Variants in TANC2 observed in about 807,000 individuals in gnomAD.
TANC2 encodes the protein protein TANC2.
In TANC2, 26 loss-of-function variants were observed where a neutral mutation model predicts 210.5. The ratio of observed to expected loss-of-function variants is 0.12; its 90% CI spans 0.09 to 0.17. The LOEUF is 0.17. TANC2 is among the 10% of genes least tolerant of loss of function. TANC2 has a pLI of 1.00. For missense variants in TANC2, 2,129 were observed against 2,608.9 expected, an observed-to-expected ratio of 0.82 and a Z score of 4.01; for synonymous variants, 931 against 967.1, an observed-to-expected ratio of 0.96 and a Z score of 0.69.
intron 1 of TANC2, among the ~76,000 whole-genome samples, chr17:63,004,046 C>T (rs2033503688): frequency 6.6e-6 from 1 of 152,090 alleles, no homozygotes; most frequent in Admixed American, 6.5e-5. Flanking sequence ...ATCAGAAAGC[C>T]ACTATAAAAC....
chr17:63,267,649 G>A, intron 8 of TANC2, 99 bp from the exon 9 acceptor site: 1 of 1,200,710 alleles, frequency 8.3e-7, no homozygotes, highest in Non-Finnish European at 1.1e-6. Context: ...ATATTTTTTG[G>A]CTGGAGTAAG....
chr17:63,325,236 C>T (rs73325736), intron 11 of TANC2, among the ~76,000 whole-genome samples: 4,422 of 152,250 alleles, frequency 0.029, 255 homozygotes, highest in African/African-American at 0.1. Flanking sequence ...AGCAAAACCA[C>T]TGCCAGTGGA....
At chr17:63,092,192 T>C (rs1283971563) in intron 3 of TANC2, among the ~76,000 whole-genome samples, 3 of 152,108 alleles carry the variant, frequency 2.0e-5, no homozygotes, top group Non-Finnish European at 4.4e-5. Context: ...AATTTTTCTA[T>C]TTGTGTGTGG....
intron 9 of TANC2, among the ~76,000 whole-genome samples, chr17:63,290,442 T>C (rs1294975024): frequency 6.6e-6 from 1 of 152,164 alleles, no homozygotes; most frequent in Admixed American, 6.6e-5. Flanking sequence ...GTTGAATTTT[T>C]AGTCTGTTCA....
intron 2 of TANC2, among the ~76,000 whole-genome samples, chr17:63,046,902 A>G (rs2035405082): frequency 6.6e-6 from 1 of 152,136 alleles, no homozygotes; most frequent in Non-Finnish European, 1.5e-5. Context: ...GTGTCTATAT[A>G]TTTGAATTTA....
rs528881293 is a variant in TANC2, at chr17:62,977,804, C to T, written c.-24+11055C>T. ...CTCTCCCCTCGGGTTTCTCCCTTCT[C>T]TAGTTATATTCCTTGGAGTAGCCAA... On this transcript the variant is annotated intron_variant, in intron 1 of 27. Transcript: ENST00000689528. Among the ~76,000 whole-genome samples the T allele has an allele frequency of 3.3e-5, 5 of 152,266 alleles. No individual in the cohort carries two copies. The South Asian group carries it at 1.0e-3, about 32-fold the overall frequency.
chr17:63,388,830 T>C, intron 16 of TANC2, 73 bp downstream of exon 16: 2 of 1,168,722 alleles, frequency 1.7e-6, no homozygotes. Context: ...GGACATTAAG[T>C]AGCTATTTAG....
intron 11 of TANC2, among the ~76,000 whole-genome samples, chr17:63,324,517 A>G (rs2045586983): frequency 6.6e-6 from 1 of 152,220 alleles, no homozygotes; most frequent in African/African-American, 2.4e-5. Flanking sequence ...AAAATGAAAA[A>G]CAATAATGAA....
intron 5 of TANC2, among the ~76,000 whole-genome samples, chr17:63,191,071 G>A (rs2041168797): frequency 6.6e-6 from 1 of 151,918 alleles, no homozygotes. Context: ...AGGCAGAGAG[G>A]TTTTATCGTA....
intron 1 of TANC2, among the ~76,000 whole-genome samples, chr17:62,968,119 T>C (rs1370773592): frequency 6.6e-6 from 1 of 152,210 alleles, no homozygotes; most frequent in Non-Finnish European, 1.5e-5. Flanking sequence ...TCGAGAGGAT[T>C]GTCAGAACAT....
In TANC2 at chr17:63,054,356, T is replaced by G. The variant is rs556844611; in HGVS notation, c.68-19587T>G. ...GCATATACTTTTTCATACGTAGCCT[T>G]TGGCTCATAAATGTTGTTTTTGTTT... On this transcript the variant is annotated intron_variant, in intron 2 of 27. Coordinates refer to ENST00000689528, the Ensembl canonical transcript of TANC2. Among the ~76,000 whole-genome samples the G allele has an allele frequency of 2.0e-5, 3 of 152,154 alleles. No individual in the cohort carries two copies. In the East Asian group the frequency reaches 5.8e-4, roughly 29 times the overall value.
intron 22 of TANC2, 146 bp from the exon 23 acceptor site, chr17:63,411,852 G>T: frequency 7.1e-7 from 1 of 1,410,370 alleles, no homozygotes; most frequent in South Asian, 1.4e-5. Flanking sequence ...TAAAGATCAA[G>T]GATATAGCTA....
rs2052118 is a variant in TANC2, at chr17:63,103,014, G to A, written c.322+3657G>A. 3.1e-3 allele frequency among the ~76,000 whole-genome samples: 474 copies of A among 152,000 alleles called. 3 individuals carry two copies. The highest frequency in any genetic ancestry group is 0.022 in the East Asian group (112 of 5,178). ...ACAGAAATATGTGCCTAGGTTATAT[G>A]CAAACACTGTGCCATTTCATATCAA... On this transcript the variant is annotated intron_variant, in intron 4 of 27. Transcript: ENST00000689528.
intron 18 of TANC2, chr17:63,396,340 A>C: frequency 5.8e-6 from 1 of 173,632 alleles, no homozygotes; most frequent in Non-Finnish European, 1.3e-5. Context: ...CTAGCCCTTG[A>C]ACAATTTACC....
At chr17:63,241,180 G>A (rs2042763738) in intron 8 of TANC2, among the ~76,000 whole-genome samples, 1 of 152,178 alleles carries the variant, frequency 6.6e-6, no homozygotes, top group African/African-American at 2.4e-5. Context: ...CAGAAAGTAA[G>A]CTCTATATGA....
intron 8 of TANC2, among the ~76,000 whole-genome samples, chr17:63,263,006 T>C (rs2043414712): frequency 6.6e-6 from 1 of 152,224 alleles, no homozygotes; most frequent in Admixed American, 6.5e-5. Flanking sequence ...TTCCCTAAAC[T>C]AGCTTTCAAA....
intron 2 of TANC2, among the ~76,000 whole-genome samples, chr17:63,058,219 CA>C (rs2144497942): frequency 6.6e-6 from 1 of 152,192 alleles, no homozygotes; most frequent in South Asian, 2.1e-4. Flanking sequence ...TTGTTGGCCA[CA>C]TGGGTATGTT....
chr17:63,002,528 T>C (rs1211914282), intron 1 of TANC2, among the ~76,000 whole-genome samples: 1 of 152,222 alleles, frequency 6.6e-6, no homozygotes, highest in Non-Finnish European at 1.5e-5. Context: ...TATTTAAGCA[T>C]GAATATCATT....
chr17:63,318,957 A>G, exon 11 of TANC2: 3 of 1,612,676 alleles, frequency 1.9e-6, no homozygotes, highest in Non-Finnish European at 2.5e-6. Flanking sequence ...TTTAATCCAG[A>G]TGTGGATGCC....
Sources: gnomAD v4.1 joint callset for allele counts (sites outside exome capture counted in the v4.1 genomes callset) on GRCh38, gnomAD v4.1.1 for gene constraint, MANE v1.5 for transcripts, NCBI Gene and HGNC (gene_info 2026-07-23, HGNC 2026-07-21) for gene names.